CNTNAP4: variants seen among roughly 807,000 people sequenced by gnomAD.
CNTNAP4 encodes the protein contactin associated protein family member 4.
CNTNAP4 carries 98 observed loss-of-function variants against 148.4 expected under a neutral mutation model. The observed-to-expected ratio is 0.66, with a 90% confidence interval of 0.56 to 0.78. The LOEUF (loss-of-function observed/expected upper bound fraction) is 0.78, where lower values mean the gene tolerates loss of function less well. Ranked by LOEUF, CNTNAP4 falls within the 30% of genes least tolerant of loss-of-function variation. The pLI is 0.00. For synonymous variants in CNTNAP4, 730 were observed against 565.1 expected (o/e 1.29, Z -4.14); for missense variants, 1,935 against 1,565.6 (o/e 1.24, Z -3.98).
At chr16:76,350,517 G>A (rs1189908253) in intron 2 of CNTNAP4, among the ~76,000 whole-genome samples, 13 of 152,158 alleles carry the variant, frequency 8.5e-5, no homozygotes, top group Admixed American at 8.5e-4. Flanking sequence ...ACAGAAGCAA[G>A]TCCCTCAGAA....
At chr16:76,511,455 A>G (rs1453601809) in intron 15 of CNTNAP4, among the ~76,000 whole-genome samples, 1 of 152,122 alleles carries the variant, frequency 6.6e-6, no homozygotes, top group Admixed American at 6.5e-5. Flanking sequence ...AAAGATATTG[A>G]CTAGTGATTT....
intron 1 of CNTNAP4, chr16:76,287,616 T>G (rs1958940566): frequency 6.6e-6 from 1 of 152,198 alleles, no homozygotes; most frequent in South Asian, 2.1e-4. Context: ...ATCATTTTCC[T>G]TTTTCATTTT....
chr16:76,451,855 A>G (rs532212109), intron 7 of CNTNAP4, among the ~76,000 whole-genome samples: 24 of 152,318 alleles, frequency 1.6e-4, no homozygotes, highest in African/African-American at 5.5e-4. Context: ...GATTTATAGT[A>G]TATTTCAAAA....
chr16:76,491,855 TG>T (rs1555574827), intron 13 of CNTNAP4, among the ~76,000 whole-genome samples: 1 of 15,554 alleles, frequency 6.4e-5, no homozygotes, highest in South Asian at 1.8e-3. Context: ...GATATCCCAT[TG>T]TGTGTGTGTG....
intron 1 of CNTNAP4, among the ~76,000 whole-genome samples, chr16:76,288,531 G>A (rs1044918655): frequency 6.6e-6 from 1 of 152,064 alleles, no homozygotes; most frequent in Non-Finnish European, 1.5e-5. Context: ...CTTTGTCCAT[G>A]GAGTCTCACC....
chr16:76,459,494 G>A (rs761146718), intron 8 of CNTNAP4, among the ~76,000 whole-genome samples: 11 of 152,086 alleles, frequency 7.2e-5, no homozygotes, highest in Admixed American at 2.6e-4. Context: ...TCTGTGCCCT[G>A]GCTAAAATTT....
At chr16:76,330,464 T>C (rs1963403094) in intron 2 of CNTNAP4, among the ~76,000 whole-genome samples, 1 of 152,186 alleles carries the variant, frequency 6.6e-6, no homozygotes, top group Non-Finnish European at 1.5e-5. Flanking sequence ...GCTTATGACT[T>C]TCAACCCCAT....
rs575760220 is a variant in CNTNAP4 at position 76,520,663 on chromosome 16, A to G, written c.2366-477A>G. Reference sequence around the variant, plus strand: ...AGTTTAGAAAATCACAAGGCCCATTAAAGAAAACAGTTTATGTAACTCTGT... The same window carrying G: ...AGTTTAGAAAATCACAAGGCCCATTGAAGAAAACAGTTTATGTAACTCTGT... On this transcript the variant is annotated intron_variant, in intron 15 of 23. Coordinates refer to ENST00000611870, the MANE Select transcript of CNTNAP4 (RefSeq NM_033401.5). 1.5e-4 allele frequency among the ~76,000 whole-genome samples: 23 copies of G among 152,312 alleles called. No individual in the cohort carries two copies. The East Asian group carries it at 1.7e-3, about 11-fold the overall frequency.
At chr16:76,408,396 A>ACTCT (rs2078678400) in intron 3 of CNTNAP4, among the ~76,000 whole-genome samples, 1 of 122,940 alleles carries the variant, frequency 8.1e-6, no homozygotes, top group Non-Finnish European at 1.9e-5. Flanking sequence ...AACAGTTGTT[A>ACTCT]ATCTATTAAC....
intron 1 of CNTNAP4, among the ~76,000 whole-genome samples, chr16:76,300,941 TA>T (rs143022306): frequency 0.077 from 11,653 of 152,046 alleles, 740 homozygotes; most frequent in East Asian, 0.22. Flanking sequence ...TCCTTTTTTT[TA>T]AATTATTATT....
intron 13 of CNTNAP4, among the ~76,000 whole-genome samples, chr16:76,492,654 G>C (rs1174315999): frequency 1.3e-5 from 2 of 152,128 alleles, no homozygotes; most frequent in African/African-American, 4.8e-5. Context: ...CCTCCATACT[G>C]TTCTCATGGC....
intron 2 of CNTNAP4, among the ~76,000 whole-genome samples, chr16:76,321,266 A>G (rs911727017): frequency 3.9e-4 from 59 of 152,320 alleles, no homozygotes; most frequent in African/African-American, 1.2e-3. Flanking sequence ...CCATTCTTGG[A>G]TGGATCTCTA....
At chr16:76,423,061 C>G (rs1381163547) in intron 3 of CNTNAP4, among the ~76,000 whole-genome samples, 1 of 152,138 alleles carries the variant, frequency 6.6e-6, no homozygotes, top group African/African-American at 2.4e-5. Context: ...GAGACTACAG[C>G]TAGAAAGTGG....
At chr16:76,512,211 A>G (rs1188946579) in intron 15 of CNTNAP4, among the ~76,000 whole-genome samples, 4 of 152,138 alleles carry the variant, frequency 2.6e-5, no homozygotes, top group East Asian at 3.9e-4. Flanking sequence ...GATTTTGAAA[A>G]TCCATTTTCA....
chr16:76,356,227 C>A (rs184679543), intron 3 of CNTNAP4, among the ~76,000 whole-genome samples: 1 of 152,218 alleles, frequency 6.6e-6, no homozygotes, highest in African/African-American at 2.4e-5. Flanking sequence ...TTTATTTCTT[C>A]TGATAACTGA....
intron 3 of CNTNAP4, among the ~76,000 whole-genome samples, chr16:76,403,094 ATTTTTTT>A (rs796440968): frequency 1.5e-3 from 198 of 129,882 alleles, no homozygotes; most frequent in Non-Finnish European, 2.6e-3. Context: ...GTTGGGTTTT[ATTTTTTT>A]TTTTTTTTTG....
intron 3 of CNTNAP4, among the ~76,000 whole-genome samples, chr16:76,407,344 G>C (rs536367440): frequency 6.6e-6 from 1 of 152,138 alleles, no homozygotes; most frequent in Non-Finnish European, 1.5e-5. Context: ...AATACATTTT[G>C]TAAGGCTATA....
intron 2 of CNTNAP4, among the ~76,000 whole-genome samples, chr16:76,327,399 G>A (rs1963098639): frequency 6.6e-6 from 1 of 152,074 alleles, no homozygotes; most frequent in African/African-American, 2.4e-5. Flanking sequence ...TTTTTTTATG[G>A]CTATGTAGTA....
chr16:76,357,908 C>T (rs1273853266), intron 3 of CNTNAP4, among the ~76,000 whole-genome samples: 1 of 152,138 alleles, frequency 6.6e-6, no homozygotes, highest in Non-Finnish European at 1.5e-5. Flanking sequence ...ATCCAACATC[C>T]AGTGTGGCAC....
Sources: gnomAD v4.1 joint callset for allele counts (sites outside exome capture counted in the v4.1 genomes callset) on GRCh38, gnomAD v4.1.1 for gene constraint, MANE v1.5 for transcripts, NCBI Gene and HGNC (gene_info 2026-07-23, HGNC 2026-07-21) for gene names.